PREX1: variants seen among roughly 807,000 people sequenced by gnomAD.
PREX1 encodes the protein phosphatidylinositol 3,4,5-trisphosphate-dependent Rac exchanger 1 protein.
PREX1 carries 41 observed loss-of-function variants against 198.3 expected under a neutral mutation model. The ratio of observed to expected loss-of-function variants is 0.21; its 90% CI spans 0.16 to 0.27. The LOEUF (loss-of-function observed/expected upper bound fraction) is 0.27. Ranked by LOEUF, PREX1 falls within the 10% of genes least tolerant of loss-of-function variation. The probability of loss-of-function intolerance (pLI) is 1.00; values close to 1 mark genes in which losing one functional copy is unlikely to be tolerated. For synonymous variants in PREX1, 843 were observed against 887.2 expected, an observed-to-expected ratio of 0.95 and a Z score of 0.89; for missense variants, 1,620 against 2,200.7, an observed-to-expected ratio of 0.74 and a Z score of 5.28.
Position 48,681,339 on chromosome 20 carries a change from C to A in PREX1, c.1335-4G>T, listed in dbSNP as rs199582780. ...TAGGAGCCAGGCAACGAACTCACTG[C>A]CAGGAACACAATATGTGGTTGAGAG... is the stretch of plus-strand genomic sequence containing the variant. On this transcript the variant is annotated splice_polypyrimidine_tract_variant and splice_region_variant and intron_variant, in intron 10 of 39. Coordinates refer to ENST00000371941, the MANE Select transcript of PREX1 (RefSeq NM_020820.4). The A allele has an allele frequency of 6.2e-7, 1 of 1,613,836 alleles. No homozygotes were observed. The highest frequency in any genetic ancestry group is 2.2e-5 in the East Asian group (1 of 44,882).
At chr20:48,780,004 T>C (rs951000442) in intron 1 of PREX1, among the ~76,000 whole-genome samples, 2 of 152,214 alleles carry the variant, frequency 1.3e-5, no homozygotes, top group African/African-American at 4.8e-5. Context: ...TTTTACTCTA[T>C]GTAAGCTTCA....
intron 1 of PREX1, among the ~76,000 whole-genome samples, chr20:48,769,807 A>G (rs1371328904): frequency 6.6e-6 from 1 of 152,196 alleles, no homozygotes; most frequent in African/African-American, 2.4e-5. Context: ...CCAGCAGCCC[A>G]GCCCTCTAAT....
chr20:48,821,982 G>A (rs373044951), intron 1 of PREX1: 10 of 152,250 alleles, frequency 6.6e-5, no homozygotes, highest in African/African-American at 2.4e-4. Flanking sequence ...CTTCATTCTC[G>A]TGGCCCAGAA....
At chr20:48,794,157 C>T (rs1286327030) in intron 1 of PREX1, among the ~76,000 whole-genome samples, 7 of 152,178 alleles carry the variant, frequency 4.6e-5, no homozygotes, top group South Asian at 2.1e-4. Flanking sequence ...GAGCTGCAAA[C>T]GAGCCCCTCT....
In PREX1 at chr20:48,747,835, TCTC is replaced by T. The variant is rs759186956; in HGVS notation, c.262_264del (p.Glu88del). 4 of 1,613,472 alleles carry T rather than the reference TCTC, an allele frequency of 2.5e-6. No homozygotes were observed. In the Admixed American group the frequency reaches 6.7e-5, roughly 27 times the overall value. ...TTGACATTCTCCTCCGTGAGGCCCT[TCTC>T]CACTGAGTCGGCCACGTTCTGCCGG... is the stretch of plus-strand genomic sequence containing the variant. On this transcript the variant is annotated inframe_deletion, in exon 2 of 40. Coordinates refer to ENST00000371941, the MANE Select transcript of PREX1 (RefSeq NM_020820.4).
At chr20:48,824,410 C>T (rs2090500124) in intron 1 of PREX1, among the ~76,000 whole-genome samples, 1 of 152,144 alleles carries the variant, frequency 6.6e-6, no homozygotes, top group Admixed American at 6.5e-5. Context: ...CTCAGAGCCC[C>T]CATCCTCCTC....
At chr20:48,659,278 G>A (rs565834972) in intron 16 of PREX1, among the ~76,000 whole-genome samples, 1 of 123,440 alleles carries the variant, frequency 8.1e-6, no homozygotes, top group African/African-American at 2.9e-5. Context: ...ACGAGAGAGA[G>A]AGAGAAAGAA....
chr20:48,649,557 C>G lies in PREX1; in HGVS notation c.3048G>C (p.Ser1016=). 1 of 1,602,500 alleles carries G rather than the reference C, an allele frequency of 6.2e-7. No individual in the cohort carries two copies. The highest frequency in any genetic ancestry group is 8.5e-7 in the Non-Finnish European group (1 of 1,173,898). ...DPEQGHLNPM[S]YTQHCITTMA... ...TGGTGGTGATGCAGTGCTGGGTGTA[C>G]GACATGGGGTTCAGGTGGCCTGCAG... The change falls in exon 25 of 40, where the codon TCG becomes TCC. Residue 1016 remains serine (S), a synonymous_variant. Coordinates refer to ENST00000371941, the MANE Select transcript of PREX1 (RefSeq NM_020820.4).
At chr20:48,808,141 T>C (rs949168381) in intron 1 of PREX1, among the ~76,000 whole-genome samples, 1 of 152,040 alleles carries the variant, frequency 6.6e-6, no homozygotes, top group African/African-American at 2.4e-5. Flanking sequence ...GAGGGCAGAG[T>C]TGGGGAACAA....
chr20:48,681,553 C>T (rs894692240), intron 10 of PREX1, among the ~76,000 whole-genome samples: 1 of 151,958 alleles, frequency 6.6e-6, no homozygotes, highest in Non-Finnish European at 1.5e-5. Context: ...TCCAGGTCTG[C>T]CTCAGGCTCA....
intron 5 of PREX1, among the ~76,000 whole-genome samples, chr20:48,720,079 C>T (rs2089978674): frequency 6.6e-6 from 1 of 152,212 alleles, no homozygotes; most frequent in Non-Finnish European, 1.5e-5. Flanking sequence ...GCCCCAGGGC[C>T]TTTGCACTGG....
chr20:48,783,218 G>T (rs140897029), intron 1 of PREX1, among the ~76,000 whole-genome samples: 2 of 152,202 alleles, frequency 1.3e-5, no homozygotes, highest in Non-Finnish European at 1.5e-5. Flanking sequence ...GTTAGATGGG[G>T]TGGTGGCAGA....
At chr20:48,639,278 G>A (rs2089390238) in intron 30 of PREX1, among the ~76,000 whole-genome samples, 1 of 152,220 alleles carries the variant, frequency 6.6e-6, no homozygotes. Context: ...TTGTTCAAGA[G>A]CAGCCAGAAA....
intron 1 of PREX1, among the ~76,000 whole-genome samples, chr20:48,807,773 C>A (rs140228087): frequency 6.6e-6 from 1 of 152,196 alleles, no homozygotes; most frequent in African/African-American, 2.4e-5. Flanking sequence ...GTACGTGTGA[C>A]GACAGTAAGG....
intron 14 of PREX1, among the ~76,000 whole-genome samples, chr20:48,668,857 C>T (rs1202307598): frequency 2.0e-5 from 3 of 152,170 alleles, no homozygotes; most frequent in Admixed American, 6.5e-5. Context: ...GGCCCAATGG[C>T]GGCAGGCCCT....
chr20:48,790,542 T>C (rs2090334047), intron 1 of PREX1, among the ~76,000 whole-genome samples: 1 of 152,126 alleles, frequency 6.6e-6, no homozygotes, highest in African/African-American at 2.4e-5. Context: ...CCAGGCTGCC[T>C]CTCGAGACAG....
At chr20:48,636,755 C>A in intron 31 of PREX1, 72 bp from the exon 32 acceptor site, 1 of 1,408,830 alleles carries the variant, frequency 7.1e-7, no homozygotes, top group Non-Finnish European at 9.6e-7. Flanking sequence ...CCCCCAAAAC[C>A]CTGGGTCCAG....
the PREX1 span, among the ~76,000 whole-genome samples, chr20:48,866,598 G>A: frequency 3.7e-4 from 56 of 152,182 alleles, no homozygotes; most frequent in Non-Finnish European, 7.2e-4. Flanking sequence ...CCTCCCATGG[G>A]GCGAGGGTTG....
At chr20:48,807,314 T>C (rs550930119) in intron 1 of PREX1, among the ~76,000 whole-genome samples, 34 of 152,202 alleles carry the variant, frequency 2.2e-4, no homozygotes, top group Non-Finnish European at 4.1e-4. Flanking sequence ...GTGTTTTTTT[T>C]TCTCTACAAA....
Sources: gnomAD v4.1 joint callset for allele counts (sites outside exome capture counted in the v4.1 genomes callset) on GRCh38, gnomAD v4.1.1 for gene constraint, MANE v1.5 for transcripts, NCBI Gene and HGNC (gene_info 2026-07-23, HGNC 2026-07-21) for gene names.